Variants in CSMD1 observed in about 807,000 individuals in gnomAD.
CSMD1 encodes CUB and Sushi multiple domains 1, also known as CUB and sushi domain-containing protein 1.
Under a neutral mutation model 417.5 loss-of-function variants are expected in CSMD1, and 213 were observed. The ratio of observed to expected loss-of-function variants is 0.51; its 90% CI spans 0.46 to 0.57. CSMD1 has a LOEUF of 0.57. Among genes scored for constraint, CSMD1 ranks in the 20% least tolerant of loss-of-function variants. The pLI, the probability that CSMD1 is intolerant of heterozygous loss-of-function variation, is 0.00. For missense variants in CSMD1, 6,923 were observed against 4,529.7 expected (o/e 1.53, Z -15.17); for synonymous variants, 2,862 against 1,736.8 (o/e 1.65, Z -16.11).
At chr8:4,454,167 T>C (rs1452020383) in intron 2 of CSMD1, among the ~76,000 whole-genome samples, 2 of 152,062 alleles carry the variant, frequency 1.3e-5, no homozygotes, top group African/African-American at 4.8e-5. Context: ...AGATTCAGCC[T>C]ATTATCAGTT....
At chr8:3,553,265 T>A (rs1798997514) in intron 10 of CSMD1, among the ~76,000 whole-genome samples, 2 of 152,204 alleles carry the variant, frequency 1.3e-5, no homozygotes, top group South Asian at 4.1e-4. Context: ...AGTTCGGAGC[T>A]GCAGGCACAC....
chr8:3,559,032 T>C lies in CSMD1; in HGVS notation c.1344+15913A>G, dbSNP rs539550266. ...TGGTCTGGTGACCTGTCATGAAAGA[T>C]TGGTGACATGTAAAGGACCATGGAG... On this transcript the variant is annotated intron_variant, in intron 10 of 69. Coordinates refer to ENST00000635120, the MANE Select transcript of CSMD1 (RefSeq NM_033225.6). Among the ~76,000 whole-genome samples, 5 of 152,260 alleles carry C rather than the reference T, an allele frequency of 3.3e-5. No individual in the cohort carries two copies. In the East Asian group the frequency reaches 5.8e-4, roughly 18 times the overall value.
At chr8:3,745,177 A>G (rs1229494448) in intron 6 of CSMD1, among the ~76,000 whole-genome samples, 1 of 152,216 alleles carries the variant, frequency 6.6e-6, no homozygotes, top group Admixed American at 6.5e-5. Context: ...AACCATTTTG[A>G]ACTCTATCAT....
chr8:4,239,386 G>T (rs1362886665), intron 3 of CSMD1, among the ~76,000 whole-genome samples: 1 of 152,154 alleles, frequency 6.6e-6, no homozygotes, highest in Admixed American at 6.5e-5. Context: ...ATTTGGCCAT[G>T]GTTGGGATCT....
intron 48 of CSMD1, 35 bp downstream of exon 48, chr8:3,091,481 T>C (rs1276165605): frequency 6.6e-7 from 1 of 1,512,632 alleles, no homozygotes; most frequent in Non-Finnish European, 8.9e-7. Context: ...TGTTTTAAAA[T>C]ACTTTCATAT....
intron 3 of CSMD1, among the ~76,000 whole-genome samples, chr8:4,166,085 C>T (rs1302095115): frequency 1.3e-5 from 2 of 152,150 alleles, no homozygotes; most frequent in East Asian, 3.9e-4. Context: ...GCATTAATTA[C>T]ATTCTTAATG....
chr8:3,912,844 G>C (rs956886828), intron 5 of CSMD1, among the ~76,000 whole-genome samples: 1 of 152,182 alleles, frequency 6.6e-6, no homozygotes, highest in African/African-American at 2.4e-5. Context: ...ATTCTGTTGA[G>C]AGTTCTGGAG....
At chr8:4,618,937 C>A (rs571881971) in intron 2 of CSMD1, among the ~76,000 whole-genome samples, 2 of 152,104 alleles carry the variant, frequency 1.3e-5, no homozygotes, top group South Asian at 2.1e-4. Flanking sequence ...ACCACAATAA[C>A]AAATCCATAT....
intron 2 of CSMD1, among the ~76,000 whole-genome samples, chr8:4,546,095 T>C (rs1222217119): frequency 6.6e-6 from 1 of 152,198 alleles, no homozygotes; most frequent in Admixed American, 6.5e-5. Flanking sequence ...CAGGTATAAA[T>C]GGAAAGATTT....
At chr8:3,979,804 T>C (rs1307333866) in intron 5 of CSMD1, among the ~76,000 whole-genome samples, 1 of 152,206 alleles carries the variant, frequency 6.6e-6, no homozygotes, top group Non-Finnish European at 1.5e-5. Context: ...TATCTTGTTA[T>C]GACAATACAA....
chr8:3,485,940 G>C (rs1052550225), intron 11 of CSMD1, among the ~76,000 whole-genome samples: 5 of 152,218 alleles, frequency 3.3e-5, no homozygotes, highest in East Asian at 1.9e-4. Context: ...TCCGGACGAA[G>C]TCTATAAAGA....
At chr8:4,113,017 C>G (rs1188290605) in intron 3 of CSMD1, among the ~76,000 whole-genome samples, 1 of 152,110 alleles carries the variant, frequency 6.6e-6, no homozygotes, top group Non-Finnish European at 1.5e-5. Context: ...AATCAGTGGT[C>G]AATGATCCTT....
At chr8:4,300,891 T>C (rs932910951) in intron 3 of CSMD1, among the ~76,000 whole-genome samples, 6 of 152,190 alleles carry the variant, frequency 3.9e-5, no homozygotes, top group Non-Finnish European at 5.9e-5. Context: ...TACATAGTAT[T>C]CCATGGTGTA....
intron 1 of CSMD1, among the ~76,000 whole-genome samples, chr8:4,939,328 C>G (rs1563818093): frequency 6.6e-6 from 1 of 152,252 alleles, no homozygotes; most frequent in Non-Finnish European, 1.5e-5. Flanking sequence ...GTCCATATGT[C>G]GAGGCGGTAT....
intron 5 of CSMD1, among the ~76,000 whole-genome samples, chr8:3,788,703 G>C (rs1167980291): frequency 6.6e-6 from 1 of 152,180 alleles, no homozygotes; most frequent in Non-Finnish European, 1.5e-5. Flanking sequence ...ACAGTTATGA[G>C]TCTAAGTAGC....
intron 1 of CSMD1, among the ~76,000 whole-genome samples, chr8:4,712,710 T>C (rs967442658): frequency 7.2e-5 from 11 of 152,326 alleles, no homozygotes; most frequent in African/African-American, 2.6e-4. Context: ...GTGTGTTTTT[T>C]TCTCTCTCTC....
chr8:4,816,032 G>T (rs36125005), intron 1 of CSMD1, among the ~76,000 whole-genome samples: 1 of 152,172 alleles, frequency 6.6e-6, no homozygotes, highest in African/African-American at 2.4e-5. Flanking sequence ...AGCAGGTGCA[G>T]AGGCTTACCA....
At chr8:4,062,262 T>C (rs766544804) in intron 3 of CSMD1, among the ~76,000 whole-genome samples, 2 of 152,078 alleles carry the variant, frequency 1.3e-5, no homozygotes, top group South Asian at 2.1e-4. Flanking sequence ...ATGTCATAAA[T>C]GCTGCAATAA....
chr8:4,665,872 A>T (rs757794895), intron 1 of CSMD1, among the ~76,000 whole-genome samples: 6 of 152,224 alleles, frequency 3.9e-5, no homozygotes, highest in Non-Finnish European at 5.9e-5. Context: ...GTAATTACCT[A>T]GGAAGACCTT....
Sources: allele counts gnomAD v4.1 joint callset (sites outside exome capture counted in the v4.1 genomes callset), GRCh38; gene constraint gnomAD v4.1.1; transcripts MANE v1.5; gene names NCBI Gene and HGNC (gene_info 2026-07-23, HGNC 2026-07-21).